The following ACYP1 variants were observed in gnomAD, a reference collection of about 807,000 sequenced individuals.
ACYP1 encodes the protein acylphosphatase 1, also known as acylphosphatase-1.
In ACYP1, 8 loss-of-function variants were observed where a neutral mutation model predicts 10.4. The ratio of observed to expected loss-of-function variants is 0.77; its 90% CI spans 0.45 to 1.38. ACYP1 has a LOEUF of 1.38. Among genes scored for constraint, ACYP1 ranks in the 40% most tolerant of loss-of-function variants. The pLI, the probability that ACYP1 is intolerant of heterozygous loss-of-function variation, is 0.00. For synonymous variants in ACYP1, 38 were observed against 40.8 expected (o/e 0.93, Z 0.26); for missense variants, 93 against 117.3 (o/e 0.79, Z 0.96).
In ACYP1 at chr14:75,069,472, A is replaced by G. The variant is rs370198230; in HGVS notation, c.-181T>C. On this transcript the variant is annotated 5_prime_UTR_variant, in exon 1 of 3. Transcript: ENST00000555463. ...AGGGCAGGGCTGGACCGAGCTGCAG[A>G]GTTGGCCGGACACTGACTGGGTCAA... 7.8e-4 allele frequency: 400 copies of G among 511,830 alleles called. 2 individuals are homozygous for G. The highest frequency in any genetic ancestry group is 6.7e-3 in the Middle Eastern group (13 of 1,954). The allele number at this position is 511,830 out of a possible 1,614,324, so 31.7% of individuals were successfully genotyped here. A position where few individuals can be genotyped will look rare whatever the true frequency, so the allele number is the denominator to read the frequency against.
chr14:75,053,640 C>T lies in ACYP1; in HGVS notation c.104G>A (p.Gly35Glu). ...AGTGTTCTGGACCCAGCCTACCAAT[C>T]CCAGCTTTTTACCCTCAGCCTAAGG... ...KHTQAEGKKL[G>E]LVGWVQNTDR... The change falls in exon 3 of 3, where the codon GGA (glycine) becomes GAA (glutamate). Residue 35 changes from glycine (G) to glutamate (E), a missense_variant. Gly to Glu is a moderately conservative substitution (Grantham distance 98, BLOSUM62 -2). Coordinates refer to ENST00000238618, the MANE Select transcript of ACYP1 (RefSeq NM_001107.5). The T allele has an allele frequency of 6.2e-7, 1 of 1,614,144 alleles. No individual in the cohort carries two copies. The highest frequency in any genetic ancestry group is 8.5e-7 in the Non-Finnish European group (1 of 1,180,038).
At chr14:75,053,706 C>T (rs200698875) in intron 2 of ACYP1, 47 bp from the exon 3 acceptor site, 1 of 1,545,680 alleles carries the variant, frequency 6.5e-7, no homozygotes, top group African/African-American at 1.4e-5. Flanking sequence ...TTGAAGAAAA[C>T]AAGGTAAGAC....
intron 2 of ACYP1, among the ~76,000 whole-genome samples, chr14:75,054,246 C>A (rs1252712273): frequency 6.6e-6 from 1 of 151,992 alleles, no homozygotes; most frequent in Non-Finnish European, 1.5e-5. Flanking sequence ...AGCCAAAGCC[C>A]ACTTTATTAT....
Position 75,058,381 on chromosome 14 carries a change from A to G in ACYP1, c.85-4722T>C, listed in dbSNP as rs555985511. Among the ~76,000 whole-genome samples the G allele has an allele frequency of 3.1e-4, 47 of 150,922 alleles. 2 individuals carry two copies. The highest frequency in any genetic ancestry group is 1.1e-3 in the African/African-American group (46 of 40,724). The stretch of plus-strand genomic sequence containing the variant: ...GGAGAATTGCTTGAACCCTGGAGGC[A>G]GAGGTTGCAGTGAGCCGAGATTGTG... On this transcript the variant is annotated intron_variant, in intron 2 of 2. Coordinates refer to ENST00000238618, the MANE Select transcript of ACYP1 (RefSeq NM_001107.5).
chr14:75,068,591 G>A (rs1012986073), upstream of ACYP1, among the ~76,000 whole-genome samples: 6 of 151,854 alleles, frequency 4.0e-5, no homozygotes, highest in Non-Finnish European at 8.8e-5. Flanking sequence ...AAAGAAAGCC[G>A]GTAAATTCTG....
chr14:75,055,892 G>A (rs960570207), intron 2 of ACYP1, among the ~76,000 whole-genome samples: 5 of 151,476 alleles, frequency 3.3e-5, no homozygotes, highest in South Asian at 4.2e-4. Context: ...AAAGAAAAAC[G>A]GATGAAAGCC....
At chr14:75,057,928 G>A (rs1360678248) in intron 2 of ACYP1, among the ~76,000 whole-genome samples, 1 of 108,356 alleles carries the variant, frequency 9.2e-6, no homozygotes, top group Non-Finnish European at 1.7e-5. Flanking sequence ...TCGCACTACT[G>A]CACTTTAGCC....
At chr14:75,055,339 G>A (rs946884574) in intron 2 of ACYP1, among the ~76,000 whole-genome samples, 9 of 151,022 alleles carry the variant, frequency 6.0e-5, no homozygotes, top group South Asian at 2.1e-4. Context: ...CGCCTGCCTC[G>A]GCCTCCCAAA....
At chr14:75,063,704 G>A in intron 1 of ACYP1, 143 bp from the exon 2 acceptor site, 1 of 727,774 alleles carries the variant, frequency 1.4e-6, no homozygotes, top group Non-Finnish European at 2.2e-6. Flanking sequence ...AAATGGAAAC[G>A]TGAGTGGATG....
chr14:75,059,176 T>TA (rs71119344), intron 2 of ACYP1, among the ~76,000 whole-genome samples: 90,877 of 97,344 alleles, frequency 0.93, 42,550 homozygotes, highest in East Asian at 0.99. Flanking sequence ...GACTCTGTCT[T>TA]AAAAAAAAAA....
chr14:75,054,244 C>A (rs1248172589), intron 2 of ACYP1, among the ~76,000 whole-genome samples: 4 of 146,110 alleles, frequency 2.7e-5, no homozygotes, highest in African/African-American at 1.1e-4. Context: ...GTAGCCAAAG[C>A]CCACTTTATT....
At chr14:75,064,008 GGCTCACCAAGGCGCGCAAACCTCCGC>G (rs1218552366) in exon 1 of ACYP1, 1 of 988,832 alleles carries the variant, frequency 1.0e-6, no homozygotes, top group Non-Finnish European at 1.2e-6. Flanking sequence ...CCACGCCAAC[GGCTCACCAAGGCGCGCAAACCTCCGC>G]GCCCGGAAGT....
upstream of ACYP1, chr14:75,064,204 G>T: frequency 5.7e-6 from 1 of 174,396 alleles, no homozygotes. Context: ...CCAGGAACTC[G>T]GCTGGGCCTC....
chr14:75,063,855 A>T, intron 1 of ACYP1, 99 bp downstream of exon 1: 1 of 889,788 alleles, frequency 1.1e-6, no homozygotes, highest in Non-Finnish European at 1.4e-6. Context: ...CTCCCTCACT[A>T]CCAGAATTCC....
chr14:75,066,227 AAAG>A (rs1594798117), upstream of ACYP1, among the ~76,000 whole-genome samples: 4 of 152,334 alleles, frequency 2.6e-5, no homozygotes, highest in East Asian at 1.9e-4. Flanking sequence ...TTCTATAGGT[AAAG>A]AAGAAGCTAC....
chr14:75,056,883 A>T (rs1892890370), intron 2 of ACYP1, among the ~76,000 whole-genome samples: 1 of 151,672 alleles, frequency 6.6e-6, no homozygotes, highest in Non-Finnish European at 1.5e-5. Context: ...TGATAAAGGG[A>T]ATCTGTGAAA....
chr14:75,064,939 C>T (rs1893117967), upstream of ACYP1, among the ~76,000 whole-genome samples: 1 of 152,122 alleles, frequency 6.6e-6, no homozygotes, highest in Non-Finnish European at 1.5e-5. Flanking sequence ...TCACCGGTCT[C>T]CTTTACTAAG....
chr14:75,060,380 G>A (rs1477058393), intron 2 of ACYP1: 1 of 540,918 alleles, frequency 1.8e-6, no homozygotes, highest in Non-Finnish European at 3.3e-6. Context: ...CTCACACATT[G>A]CCAGTGAGAA....
At chr14:75,064,162 G>A (rs1028639309), upstream of ACYP1, 1 of 398,634 alleles carries the variant, frequency 2.5e-6, no homozygotes, top group Non-Finnish European at 3.4e-6. Flanking sequence ...GCGGTTGTCC[G>A]GCAACCCAAA....
Sources: gnomAD v4.1 joint callset for allele counts (sites outside exome capture counted in the v4.1 genomes callset) on GRCh38, gnomAD v4.1.1 for gene constraint, MANE v1.5 for transcripts, NCBI Gene and HGNC (gene_info 2026-07-23, HGNC 2026-07-21) for gene names.